The following KCNMA1 variants were observed in gnomAD, a reference collection of about 807,000 sequenced individuals.
KCNMA1 encodes the protein potassium calcium-activated channel subfamily M alpha 1, also known as Calcium-activated potassium channel subunit alpha-1.
Under a neutral mutation model 140.0 loss-of-function variants are expected in KCNMA1, and 29 were observed. The observed-to-expected ratio is 0.21, with a 90% CI of 0.15 to 0.28. KCNMA1 has a LOEUF of 0.28. Ranked by LOEUF, KCNMA1 falls within the 10% of genes least tolerant of loss-of-function variation. The probability of loss-of-function intolerance (pLI) is 1.00; values close to 1 mark genes in which losing one functional copy is unlikely to be tolerated. For missense variants in KCNMA1, 880 were observed against 1,602.2 expected (o/e 0.55, Z 7.70); for synonymous variants, 612 against 611.9 (o/e 1.00, Z 0.00).
At chr10:77,467,667 C>G (rs1331499052) in intron 1 of KCNMA1, among the ~76,000 whole-genome samples, 1 of 152,234 alleles carries the variant, frequency 6.6e-6, no homozygotes, top group Non-Finnish European at 1.5e-5. Context: ...AGTTTCCAGA[C>G]TTGAGAGAGG....
chr10:77,530,887 G>A (rs1470004050), intron 1 of KCNMA1, among the ~76,000 whole-genome samples: 2 of 152,098 alleles, frequency 1.3e-5, no homozygotes, highest in Non-Finnish European at 2.9e-5. Context: ...GTGAAATCAC[G>A]AGCTCTGATG....
At chr10:76,947,608 C>A (rs2152922600) in intron 22 of KCNMA1, among the ~76,000 whole-genome samples, 1 of 152,312 alleles carries the variant, frequency 6.6e-6, no homozygotes, top group South Asian at 2.1e-4. Flanking sequence ...CTGGAATGAG[C>A]AAAGCATATA....
rs71028253 is a variant in KCNMA1 at position 77,134,997 on chromosome 10, C to CAAA, written c.809-13952_809-13950dup. Among the ~76,000 whole-genome samples, 22 of 11,766 alleles carry CAAA rather than the reference C, an allele frequency of 1.9e-3. 4 individuals carry two copies. The highest frequency in any genetic ancestry group is 8.8e-3 in the South Asian group (1 of 114). The allele number at this position is 11,766 out of a possible 152,430, so 7.7% of individuals were successfully genotyped here. On this transcript the variant is annotated intron_variant, in intron 5 of 27. Coordinates refer to ENST00000286628, the MANE Select transcript of KCNMA1 (RefSeq NM_001161352.2). ...TGGGAGACAGAGCAAGACTCTGTCT[C>CAAA]AAAAAAAAAAAAAAAAAAAAAAAAA...
At chr10:77,276,563 A>G (rs946202634) in intron 2 of KCNMA1, among the ~76,000 whole-genome samples, 2 of 152,164 alleles carry the variant, frequency 1.3e-5, no homozygotes, top group African/African-American at 2.4e-5. Context: ...TGGATCATGG[A>G]TGTGAAGTTA....
chr10:77,053,212 A>G (rs2095432829), intron 14 of KCNMA1, among the ~76,000 whole-genome samples: 2 of 152,162 alleles, frequency 1.3e-5, no homozygotes, highest in Admixed American at 1.3e-4. Flanking sequence ...TCAATAATAC[A>G]TGTCTATCCA....
chr10:77,084,624 C>T lies in KCNMA1; in HGVS notation c.1523+13G>A. The T allele has an allele frequency of 1.2e-6, 2 of 1,610,908 alleles. No individual in the cohort carries two copies. Among genetic ancestry groups the T allele is most frequent in the South Asian group, 2.2e-5 (2 of 91,028 alleles). On this transcript the variant is annotated intron_variant, in intron 12 of 27. Transcript: ENST00000286628. ...GCCAAGCCCAGGGCCTTCCGCAGCG[C>T]CCCAAGAGTTACCTCATGATATTCG... is the stretch of plus-strand genomic sequence containing the variant.
chr10:77,320,090 G>A (rs2081958655), intron 2 of KCNMA1, among the ~76,000 whole-genome samples: 2 of 152,168 alleles, frequency 1.3e-5, no homozygotes, highest in African/African-American at 4.8e-5. Flanking sequence ...ACACTCTGTG[G>A]ATGGAAAGTT....
At chr10:77,567,233 G>T (rs2068665524) in intron 1 of KCNMA1, among the ~76,000 whole-genome samples, 1 of 152,246 alleles carries the variant, frequency 6.6e-6, no homozygotes, top group Non-Finnish European at 1.5e-5. Flanking sequence ...ATTGGAATTT[G>T]CAGGCTGTGC....
chr10:77,109,150 T>G (rs2097261030), intron 8 of KCNMA1, among the ~76,000 whole-genome samples: 2 of 152,112 alleles, frequency 1.3e-5, no homozygotes, highest in African/African-American at 4.8e-5. Context: ...ATCTGCCATG[T>G]TTTGTCCAAC....
intron 1 of KCNMA1, among the ~76,000 whole-genome samples, chr10:77,471,134 CCA>C (rs2098138733): frequency 1.8e-5 from 1 of 56,348 alleles, no homozygotes; most frequent in Non-Finnish European, 3.4e-5. Context: ...ACACTACACA[CCA>C]CACACATAAC....
At chr10:77,535,575 A>C (rs1169320026) in intron 1 of KCNMA1, among the ~76,000 whole-genome samples, 3 of 152,216 alleles carry the variant, frequency 2.0e-5, no homozygotes, top group African/African-American at 7.2e-5. Context: ...ATCACACAGA[A>C]GAGATCTCTT....
intron 23 of KCNMA1, among the ~76,000 whole-genome samples, chr10:76,919,453 G>C (rs1047770398): frequency 2.6e-5 from 4 of 151,194 alleles, no homozygotes; most frequent in African/African-American, 9.9e-5. Flanking sequence ...TGAGACATAA[G>C]TGCTTGACCA....
intron 2 of KCNMA1, among the ~76,000 whole-genome samples, chr10:77,270,404 C>G (rs1160269100): frequency 6.6e-6 from 1 of 152,156 alleles, no homozygotes; most frequent in African/African-American, 2.4e-5. Context: ...TCCGGGAGAA[C>G]TGGTGCTTAG....
chr10:77,161,461 T>A (rs1166523673), intron 5 of KCNMA1, among the ~76,000 whole-genome samples: 1 of 152,034 alleles, frequency 6.6e-6, no homozygotes, highest in Non-Finnish European at 1.5e-5. Flanking sequence ...CCCAAGCTGG[T>A]CTTCAACCCC....
At chr10:77,174,380 T>C (rs1022325369) in intron 5 of KCNMA1, among the ~76,000 whole-genome samples, 2 of 152,214 alleles carry the variant, frequency 1.3e-5, no homozygotes, top group African/African-American at 2.4e-5. Flanking sequence ...GTCCTGGGCA[T>C]ACAAAAAGTA....
chr10:77,462,913 TTGG>T (rs2154525120), intron 1 of KCNMA1, among the ~76,000 whole-genome samples: 1 of 152,256 alleles, frequency 6.6e-6, no homozygotes, highest in South Asian at 2.1e-4. Flanking sequence ...TGCTGGCCTC[TTGG>T]TGGAGTGTTG....
intron 16 of KCNMA1, among the ~76,000 whole-genome samples, chr10:77,025,269 T>C (rs1372693840): frequency 3.5e-5 from 4 of 115,184 alleles, no homozygotes; most frequent in Non-Finnish European, 5.3e-5. Context: ...TATATATATA[T>C]ATATATATAT....
intron 1 of KCNMA1, among the ~76,000 whole-genome samples, chr10:77,563,962 A>G (rs2067263906): frequency 1.3e-5 from 2 of 152,206 alleles, no homozygotes; most frequent in Admixed American, 1.3e-4. Context: ...GCTGTTATGC[A>G]AAGTAAGGGG....
chr10:77,564,970 T>C (rs1277165901), intron 1 of KCNMA1, among the ~76,000 whole-genome samples: 1 of 151,808 alleles, frequency 6.6e-6, no homozygotes. Flanking sequence ...CAGCAGGGGG[T>C]GAAGGAAAGC....
Sources: allele counts gnomAD v4.1 joint callset (sites outside exome capture counted in the v4.1 genomes callset), GRCh38; gene constraint gnomAD v4.1.1; transcripts MANE v1.5; gene names NCBI Gene and HGNC (gene_info 2026-07-23, HGNC 2026-07-21).